EXPH5: variants seen among roughly 807,000 people sequenced by gnomAD.
EXPH5 encodes the protein exophilin-5.
Under a neutral mutation model 41.1 loss-of-function variants are expected in EXPH5, and 42 were observed. The ratio of observed to expected loss-of-function variants is 1.02; its 90% CI spans 0.80 to 1.32. EXPH5 has a LOEUF of 1.32. EXPH5 is among the 40% of genes most tolerant of loss of function. The pLI is 0.00. For missense variants in EXPH5, 2,298 were observed against 2,314.5 expected (o/e 0.99, Z 0.15); for synonymous variants, 798 against 833.5 (o/e 0.96, Z 0.73).
At chr11:108,590,637 A>T (rs56874150) in intron 1 of EXPH5, among the ~76,000 whole-genome samples, 11,959 of 151,158 alleles carry the variant, frequency 0.079, 648 homozygotes, top group East Asian at 0.29. Context: ...GTTCTTTTTT[A>T]AAAAAAAATG....
intron 1 of EXPH5, among the ~76,000 whole-genome samples, chr11:108,589,407 C>T (rs2094122122): frequency 2.0e-5 from 3 of 152,290 alleles, no homozygotes; most frequent in South Asian, 4.1e-4. Flanking sequence ...AGCTATAGAC[C>T]ACTTTATGAC....
chr11:108,586,636 T>C (rs1232036055), intron 1 of EXPH5, among the ~76,000 whole-genome samples: 4 of 74,210 alleles, frequency 5.4e-5, no homozygotes, highest in African/African-American at 2.0e-4. Context: ...CCCTCCCCCA[T>C]CCCCTTTCCT....
intron 4 of EXPH5, among the ~76,000 whole-genome samples, chr11:108,525,923 T>TC (rs1010032312): frequency 6.6e-6 from 1 of 150,484 alleles, no homozygotes; most frequent in African/African-American, 2.4e-5. Flanking sequence ...CTTTTCTTTT[T>TC]TTTTTTTTTG....
At chr11:108,582,001 A>G (rs1025625904) in intron 1 of EXPH5, among the ~76,000 whole-genome samples, 1 of 152,218 alleles carries the variant, frequency 6.6e-6, no homozygotes, top group Non-Finnish European at 1.5e-5. Context: ...CATAGTTTAA[A>G]ACCTTTCAAA....
At chr11:108,538,223 C>G in intron 3 of EXPH5, 21 of 985,414 alleles carry the variant, frequency 2.1e-5, no homozygotes, top group Non-Finnish European at 2.5e-5. Flanking sequence ...TGCAATACAC[C>G]GTGTGGTTTG....
intron 4 of EXPH5, among the ~76,000 whole-genome samples, chr11:108,522,800 T>C (rs930793116): frequency 1.3e-5 from 2 of 152,074 alleles, no homozygotes; most frequent in African/African-American, 4.8e-5. Flanking sequence ...CCATAAAAGG[T>C]GAAGCCTATT....
intron 1 of EXPH5, among the ~76,000 whole-genome samples, chr11:108,574,308 T>A (rs1225354721): frequency 2.0e-5 from 3 of 151,212 alleles, no homozygotes; most frequent in Non-Finnish European, 2.9e-5. Flanking sequence ...AGTCTAGGAG[T>A]TAGAGGTTAC....
At chr11:108,557,281 G>T (rs1433951518) in intron 1 of EXPH5, among the ~76,000 whole-genome samples, 1 of 152,144 alleles carries the variant, frequency 6.6e-6, no homozygotes, top group Non-Finnish European at 1.5e-5. Flanking sequence ...AAACAAGACA[G>T]ACAATGTCCT....
At chr11:108,607,502 A>G in the EXPH5 span, among the ~76,000 whole-genome samples, 1 of 152,230 alleles carries the variant, frequency 6.6e-6, no homozygotes, top group Non-Finnish European at 1.5e-5. Context: ...ATTGGAAATG[A>G]TGATGTGACT....
Position 108,514,838 on chromosome 11 carries a change from C to A in EXPH5, c.669G>T (p.Gln223His). The A allele has an allele frequency of 6.5e-7, 1 of 1,532,380 alleles. No individual in the cohort carries two copies. Among genetic ancestry groups the A allele is most frequent in the Non-Finnish European group, 8.7e-7 (1 of 1,146,870 alleles). 94.9% of individuals were successfully genotyped at this position (1,532,380 alleles called of 1,614,324 possible). A position where few individuals can be genotyped will look rare whatever the true frequency, so the allele number is the denominator to read the frequency against. The change falls in exon 6 of 6, where the codon CAG becomes CAT. Residue 223 changes from glutamine to histidine, a missense_variant. Transcript: ENST00000265843. ...TTCTGGTATTCACTGAGCTTGCAGACTGTTCCTGAGCCAATTTGCTATCCA... is the reference window on the plus strand; with the variant it reads ...TTCTGGTATTCACTGAGCTTGCAGAATGTTCCTGAGCCAATTTGCTATCCA... ...DDLDSKLAQE[Q>H]SASSVNTRTP...
Position 108,513,716 on chromosome 11 carries a change from C to T in EXPH5, c.1791G>A (p.Leu597=). Reference sequence around the variant, plus strand: ...CAGGAGAACTGTCCTGTTGACTTACCAACTCACTAGATTTGACGTGATAGC... The same window carrying T: ...CAGGAGAACTGTCCTGTTGACTTACTAACTCACTAGATTTGACGTGATAGC... ...GSSYHVKSSE[L]VSQQDSSPVE... The change falls in exon 6 of 6, where the codon TTG becomes TTA. Residue 597 remains leucine, a synonymous_variant. Coordinates refer to ENST00000265843, the MANE Select transcript of EXPH5 (RefSeq NM_015065.3). The T allele has an allele frequency of 6.2e-7, 1 of 1,612,410 alleles. No homozygotes were observed.
At position 108,513,429 on chromosome 11, in the gene EXPH5, A is replaced by G; in HGVS notation, c.2078T>C (p.Leu693Ser). ...TTTCTCATTATTTACTTCTGTGACCAAGATATTGGGCTGGCTTTTGGCAAG... is the reference window on the plus strand; with the variant it reads ...TTTCTCATTATTTACTTCTGTGACCGAGATATTGGGCTGGCTTTTGGCAAG... ...LPLAKSQPNI[L>S]VTEVNNEKDL... The change falls in exon 6 of 6, where the codon TTG (leucine) becomes TCG (serine). Residue 693 changes from leucine (L) to serine (S), a missense_variant. Leu to Ser is a moderately radical substitution (Grantham distance 145). Transcript: ENST00000265843. 1.9e-6 allele frequency: 3 copies of G among 1,613,466 alleles called. No homozygotes were observed. Among genetic ancestry groups the G allele is most frequent in the Admixed American group, 1.7e-5 (1 of 59,938 alleles).
intron 4 of EXPH5, among the ~76,000 whole-genome samples, chr11:108,521,568 G>A (rs2093765087): frequency 6.6e-6 from 1 of 152,068 alleles, no homozygotes; most frequent in African/African-American, 2.4e-5. Context: ...CAACTATAAT[G>A]GGATACTGAT....
chr11:108,566,355 G>C (rs144542458), intron 1 of EXPH5, among the ~76,000 whole-genome samples: 37 of 152,272 alleles, frequency 2.4e-4, no homozygotes, highest in Non-Finnish European at 1.3e-4. Flanking sequence ...GTGCATGGAG[G>C]GGGGTGGTGG....
chr11:108,585,266 A>G (rs1177390307), intron 1 of EXPH5, among the ~76,000 whole-genome samples: 1 of 152,238 alleles, frequency 6.6e-6, no homozygotes, highest in African/African-American at 2.4e-5. Flanking sequence ...TGCTGGCAAG[A>G]CTAAAGAACT....
chr11:108,580,968 A>G (rs56295806), intron 1 of EXPH5, among the ~76,000 whole-genome samples: 44 of 152,286 alleles, frequency 2.9e-4, no homozygotes, highest in African/African-American at 9.9e-4. Context: ...GAGGAGGAAT[A>G]AGTTTTACTG....
Position 108,513,285 on chromosome 11 carries a change from T to C in EXPH5, c.2222A>G (p.Asp741Gly). 1 of 1,611,836 alleles carries C rather than the reference T, an allele frequency of 6.2e-7. No homozygotes were observed. Among genetic ancestry groups the C allele is most frequent in the African/African-American group, 1.3e-5 (1 of 74,868 alleles). Residue 741 changes from aspartate (D) to glycine (G), a missense_variant, in exon 6 of 6, where the codon GAT becomes GGT. Coordinates refer to ENST00000265843, the MANE Select transcript of EXPH5 (RefSeq NM_015065.3). ...SQTGISNSLPDFQNPLSQDSA... is the reference protein window; with the variant it reads ...SQTGISNSLPGFQNPLSQDSA... ...GTCCTGGGATAAGGGATTTTGAAAA[T>C]CAGGTAAAGAGTTTGAGATCCCTGT...
intron 1 of EXPH5, among the ~76,000 whole-genome samples, chr11:108,582,711 G>C (rs1300044201): frequency 6.6e-6 from 1 of 152,164 alleles, no homozygotes; most frequent in African/African-American, 2.4e-5. Flanking sequence ...GGAGGCTGGA[G>C]GTCAAGGTGC....
At chr11:108,604,084 T>A in the EXPH5 span, among the ~76,000 whole-genome samples, 1 of 152,076 alleles carries the variant, frequency 6.6e-6, no homozygotes, top group Non-Finnish European at 1.5e-5. Context: ...GCAGTTGGTT[T>A]TTCTACATTT....
Sources: allele counts gnomAD v4.1 joint callset (sites outside exome capture counted in the v4.1 genomes callset), GRCh38; gene constraint gnomAD v4.1.1; transcripts MANE v1.5; gene names NCBI Gene and HGNC (gene_info 2026-07-23, HGNC 2026-07-21).